CHRNA10: variants seen among roughly 807,000 people sequenced by gnomAD.
CHRNA10 encodes the protein neuronal acetylcholine receptor subunit alpha-10.
Under a neutral mutation model 36.0 loss-of-function variants are expected in CHRNA10, and 31 were observed. That is an observed-to-expected ratio of 0.86 (90% CI 0.65 to 1.16). The LOEUF (loss-of-function observed/expected upper bound fraction) is 1.16, where lower values mean the gene tolerates loss of function less well. Ranked by LOEUF, CHRNA10 falls within the 50% of genes most tolerant of loss-of-function variation. CHRNA10 has a pLI of 0.00. For synonymous variants in CHRNA10, 302 were observed against 287.0 expected (o/e 1.05, Z -0.53); for missense variants, 648 against 640.9 (o/e 1.01, Z -0.12).
Position 3,667,424 on chromosome 11 carries a change from G to GGCGGCGCA in CHRNA10, c.695_702dup (p.Arg235CysfsTer75), listed in dbSNP as rs1203372857. 2.5e-6 allele frequency: 4 copies of GGCGGCGCA among 1,596,878 alleles called. No individual in the cohort carries two copies. Among genetic ancestry groups the GGCGGCGCA allele is most frequent in the Non-Finnish European group, 3.4e-6 (4 of 1,176,648 alleles). Reference sequence around the variant, plus strand: ...AGGTTGCACACGTAGGCGGCGGCGCGGCGGCGCAGCAGCAGCGTGAAGGTG... The same window carrying GGCGGCGCA: ...AGGTTGCACACGTAGGCGGCGGCGCGGCGGCGCAGCGGCGCAGCAGCAGCGTGAAGGTG... On this transcript the variant is annotated frameshift_variant, in exon 4 of 5. Coordinates refer to ENST00000250699, the MANE Select transcript of CHRNA10 (RefSeq NM_020402.4). LOFTEE classifies it high-confidence loss of function.
chr11:3,670,786 C>T (rs980972493), intron 1 of CHRNA10, among the ~76,000 whole-genome samples: 1 of 152,222 alleles, frequency 6.6e-6, no homozygotes, highest in Non-Finnish European at 1.5e-5. Flanking sequence ...CCAGATTTTG[C>T]GAAACATCGT....
rs1014858098 is a variant in CHRNA10 at position 3,665,945 on chromosome 11, A to G, written c.*162T>C. Reference sequence around the variant, plus strand: ...GACTTCCTTTAGTTAGGGTGTGTAGACAATGAGTGCTCCCTTGTGGATTGT... The same window carrying G: ...GACTTCCTTTAGTTAGGGTGTGTAGGCAATGAGTGCTCCCTTGTGGATTGT... On this transcript the variant is annotated 3_prime_UTR_variant, in exon 5 of 5. Coordinates refer to ENST00000250699, the MANE Select transcript of CHRNA10 (RefSeq NM_020402.4). 3.4e-6 allele frequency: 2 copies of G among 591,996 alleles called. No homozygotes were observed. The highest frequency in any genetic ancestry group is 1.9e-5 in the African/African-American group (1 of 53,942). 36.7% of individuals were successfully genotyped at this position (591,996 alleles called of 1,614,324 possible). A position where few individuals can be genotyped will look rare whatever the true frequency, so the allele number is the denominator to read the frequency against.
chr11:3,670,686 A>G (rs2077707040), intron 1 of CHRNA10, among the ~76,000 whole-genome samples: 1 of 152,214 alleles, frequency 6.6e-6, no homozygotes, highest in Admixed American at 6.5e-5. Context: ...TTAGTTGGAA[A>G]TCTGGGAATT....
At position 3,667,391 on chromosome 11, in the gene CHRNA10, G is replaced by A. The variant is rs747827541; in HGVS notation, c.736C>T (p.Pro246Ser). The A allele has an allele frequency of 9.4e-6, 15 of 1,601,432 alleles. No individual in the cohort carries two copies. Among genetic ancestry groups the A allele is most frequent in the Middle Eastern group, 1.7e-4 (1 of 5,974 alleles). Residue 246 changes from proline (P) to serine (S), a missense_variant, in exon 4 of 5, where the codon CCC becomes TCC. Pro to Ser is a moderately conservative substitution (Grantham distance 74). Transcript: ENST00000250699. ...GCAAGCAGCGAGATGAGCACGCAGG[G>A]CAGCAGCAGGTTGCACACGTAGGCG... ...AAAYVCNLLL[P>S]CVLISLLAPL...
At chr11:3,669,086 G>T in intron 3 of CHRNA10, 110 bp downstream of exon 3, 1 of 1,254,404 alleles carries the variant, frequency 8.0e-7, no homozygotes, top group Non-Finnish European at 1.1e-6. Context: ...AGCTTCCAGG[G>T]CAGCGTGGCA....
chr11:3,669,288 G>A lies in CHRNA10; in HGVS notation c.270C>T (p.Tyr90=). ...LWIRQEWTDA[Y]LRWDPNAYGG... ...CATAGGCATTGGGGTCCCATCGTAG[G>A]TAGGCATCTGTCCACTCCTGCCGTA... Residue 90 remains tyrosine (Y), a synonymous_variant, in exon 3 of 5, where the codon TAC becomes TAT. Transcript: ENST00000250699. The A allele has an allele frequency of 6.2e-7, 1 of 1,614,064 alleles. No homozygotes were observed. The highest frequency in any genetic ancestry group is 8.5e-7 in the Non-Finnish European group (1 of 1,179,982).
At chr11:3,666,627 G>A in intron 4 of CHRNA10, 63 bp from the exon 5 acceptor site, 1 of 1,261,854 alleles carries the variant, frequency 7.9e-7, no homozygotes, top group South Asian at 1.5e-5. Flanking sequence ...GAGCTTCCCA[G>A]CCACCTCTGC....
At chr11:3,670,458 A>T (rs2077705494) in intron 1 of CHRNA10, among the ~76,000 whole-genome samples, 1 of 152,114 alleles carries the variant, frequency 6.6e-6, no homozygotes, top group African/African-American at 2.4e-5. Flanking sequence ...GTTCCCATGA[A>T]TCCTGTCCTT....
rs771878441 is a variant in CHRNA10 at position 3,667,676 on chromosome 11, G to C, written c.451C>G (p.Arg151Gly). 1 of 1,566,068 alleles carries C rather than the reference G, an allele frequency of 6.4e-7. No individual in the cohort carries two copies. Among genetic ancestry groups the C allele is most frequent in the Non-Finnish European group, 8.6e-7 (1 of 1,161,586 alleles). Residue 151 changes from arginine to glycine, a missense_variant, in exon 4 of 5, where the codon CGC becomes GGC. Coordinates refer to ENST00000250699, the MANE Select transcript of CHRNA10 (RefSeq NM_020402.4). ...GCTACATCCACGCGGCACGAGCTGCGCGTGATGGCCGGCGCGTCCCAGCGC... is the reference window on the plus strand; with the variant it reads ...GCTACATCCACGCGGCACGAGCTGCCCGTGATGGCCGGCGCGTCCCAGCGC... ...AVRWDAPAIT[R>G]SSCRVDVAAF...
rs543472276 is a variant in CHRNA10 at position 3,665,795 on chromosome 11, T to C, written c.*312A>G. 2.2e-5 allele frequency: 6 copies of C among 276,896 alleles called. No homozygotes were observed. The East Asian group carries it at 3.9e-4, about 18-fold the overall frequency. The allele number at this position is 276,896 out of a possible 1,614,324, so 17.2% of individuals were successfully genotyped here. ...CAGTTCAGTTTCTCATTATAACCCATGTGCTCCCCACTGAGAGCTCCAATA... is the reference window on the plus strand; with the variant it reads ...CAGTTCAGTTTCTCATTATAACCCACGTGCTCCCCACTGAGAGCTCCAATA... On this transcript the variant is annotated 3_prime_UTR_variant, in exon 5 of 5. Transcript: ENST00000250699.
chr11:3,669,830 G>T lies in CHRNA10; in HGVS notation c.173C>A (p.Thr58Asn), dbSNP rs1012369208. The part of the protein sequence containing the change: ...VADTDQTLNV[T>N]LEVTLSQIID... Reference sequence around the variant, plus strand: ...GATCTGGGACAGTGTCACCTCCAGGGTCACATTCAGAGTCTGGTCTGTGTC... The same window carrying T: ...GATCTGGGACAGTGTCACCTCCAGGTTCACATTCAGAGTCTGGTCTGTGTC... Residue 58 changes from threonine to asparagine, a missense_variant, in exon 2 of 5, where the codon ACC becomes AAC. Transcript: ENST00000250699. 3 of 1,614,154 alleles carry T rather than the reference G, an allele frequency of 1.9e-6. No homozygotes were observed. Among genetic ancestry groups the T allele is most frequent in the Non-Finnish European group, 2.5e-6 (3 of 1,180,000 alleles).
At chr11:3,670,090 C>T (rs1393117232) in intron 1 of CHRNA10, 149 bp from the exon 2 acceptor site, 5 of 818,324 alleles carry the variant, frequency 6.1e-6, no homozygotes, top group Non-Finnish European at 7.7e-6. Context: ...TCTAGTTCCT[C>T]CCTGGCCTGC....
In CHRNA10 at chr11:3,666,127, C is replaced by T. The variant is rs2133971453; in HGVS notation, c.1333G>A (p.Val445Met). The change falls in exon 5 of 5, where the codon GTG (valine) becomes ATG (methionine). Residue 445 changes from valine to methionine, a missense_variant. Val to Met is a conservative substitution (Grantham distance 21, BLOSUM62 1). Transcript: ENST00000250699. ...FSMALVMSLLVLVQAL is the reference protein window; with the variant it reads ...FSMALVMSLLMLVQAL ...AGCCCTCACAGGGCCTGCACCAGCA[C>T]CAGGAGGCTCATGACCAGGGCCATG... 1 of 1,568,274 alleles carries T rather than the reference C, an allele frequency of 6.4e-7. No individual in the cohort carries two copies. Among genetic ancestry groups the T allele is most frequent in the East Asian group, 2.2e-5 (1 of 44,538 alleles).
In CHRNA10 at chr11:3,666,323, TG is replaced by T. The variant is rs748764774; in HGVS notation, c.1136del (p.Pro379GlnfsTer21). On this transcript the variant is annotated frameshift_variant, in exon 5 of 5. Transcript: ENST00000250699. LOFTEE classifies it high-confidence loss of function. ...ATCGTGGCTCGTGGCAAGGGCCCGC[TG>T]GGGGGCCAGCCCCTCCTTCAGGCGA... ...PQSPEGGAGP[P>X]AGPCHEPRCL... 2.1e-5 allele frequency: 34 copies of T among 1,613,202 alleles called. No homozygotes were observed. The South Asian group carries it at 3.5e-4, about 17-fold the overall frequency.
In CHRNA10 at chr11:3,669,961, G is replaced by C. The variant is rs1260297375; in HGVS notation, c.62-20C>G. 2 of 1,613,974 alleles carry C rather than the reference G, an allele frequency of 1.2e-6. No individual in the cohort carries two copies. On this transcript the variant is annotated intron_variant, in intron 1 of 4. Transcript: ENST00000250699. ...GGCACTCTGGAGGGTCAGTAAGGAG[G>C]GTTGTCCATCCCAGGCCCTAGTCCC...
intron 1 of CHRNA10, 161 bp downstream of exon 1, chr11:3,671,091 A>G: frequency 1.4e-6 from 1 of 711,036 alleles, no homozygotes; most frequent in Non-Finnish European, 2.4e-6. Flanking sequence ...CCTCTCACGC[A>G]CTTCAGCACC....
chr11:3,666,869 C>G (rs537659467), intron 4 of CHRNA10, among the ~76,000 whole-genome samples: 1 of 152,306 alleles, frequency 6.6e-6, no homozygotes, highest in Admixed American at 6.5e-5. Flanking sequence ...AGATACGAAT[C>G]CTTTTTGTAC....
rs1179819331 is a variant in CHRNA10 at position 3,669,673 on chromosome 11, CT to C, written c.207+122del. On this transcript the variant is annotated intron_variant, in intron 2 of 4. Coordinates refer to ENST00000250699, the MANE Select transcript of CHRNA10 (RefSeq NM_020402.4). ...GTACCCAACAGTTTGTAACTGCTAC[CT>C]TTGTTAATATTAACATTTACAGAAA... 7 of 1,338,614 alleles carry C rather than the reference CT, an allele frequency of 5.2e-6. No individual in the cohort carries two copies. The Admixed American group carries it at 8.5e-5, about 16-fold the overall frequency. The allele number at this position is 1,338,614 out of a possible 1,614,324, so 82.9% of individuals were successfully genotyped here. A position where few individuals can be genotyped will look rare whatever the true frequency, so the allele number is the denominator to read the frequency against.
rs1263402747 is a variant in CHRNA10 at position 3,667,548 on chromosome 11, C to T, written c.579G>A (p.Leu193=). The stretch of plus-strand genomic sequence containing the variant: ...ACTCCACGTTCTCCACGAAGTCCGC[C>T]AGGCTGGCTGCAGCGCCGCGCGGCC... ...DVRPRGAAAS[L]ADFVENVEWR... Residue 193 remains leucine, a synonymous_variant, in exon 4 of 5, where the codon CTG becomes CTA. Coordinates refer to ENST00000250699, the MANE Select transcript of CHRNA10 (RefSeq NM_020402.4). 6.3e-7 allele frequency: 1 copy of T among 1,581,440 alleles called. No homozygotes were observed. The highest frequency in any genetic ancestry group is 8.5e-7 in the Non-Finnish European group (1 of 1,170,166).
Sources: gnomAD v4.1 joint callset for allele counts (sites outside exome capture counted in the v4.1 genomes callset) on GRCh38, gnomAD v4.1.1 for gene constraint, MANE v1.5 for transcripts, NCBI Gene and HGNC (gene_info 2026-07-23, HGNC 2026-07-21) for gene names.